Variants in SERGEF observed in about 807,000 individuals in gnomAD.
SERGEF encodes secretion regulating guanine nucleotide exchange factor.
SERGEF carries 51 observed loss-of-function variants against 50.0 expected under a neutral mutation model. The observed-to-expected ratio is 1.02, with a 90% CI of 0.81 to 1.29. The LOEUF (loss-of-function observed/expected upper bound fraction) is 1.29, where lower values mean the gene tolerates loss of function less well. Ranked by LOEUF, SERGEF falls within the 50% of genes most tolerant of loss-of-function variation. The probability of loss-of-function intolerance (pLI) is 0.00; values close to 1 mark genes in which losing one functional copy is unlikely to be tolerated. For synonymous variants in SERGEF, 205 were observed against 212.4 expected (o/e 0.97, Z 0.30); for missense variants, 521 against 557.0 (o/e 0.94, Z 0.65).
At chr11:17,995,176 C>A (rs1590240317) in intron 6 of SERGEF, among the ~76,000 whole-genome samples, 2 of 152,302 alleles carry the variant, frequency 1.3e-5, no homozygotes, top group Non-Finnish European at 2.9e-5. Context: ...AAATGACCAA[C>A]AGACCTTTGG....
At chr11:17,835,937 T>C (rs1850390292) in intron 10 of SERGEF, among the ~76,000 whole-genome samples, 1 of 152,212 alleles carries the variant, frequency 6.6e-6, no homozygotes, top group Non-Finnish European at 1.5e-5. Flanking sequence ...CTATTCATCA[T>C]CCTACAATCC....
At chr11:17,937,215 C>A (rs1433087027) in intron 9 of SERGEF, among the ~76,000 whole-genome samples, 4 of 151,832 alleles carry the variant, frequency 2.6e-5, no homozygotes, top group African/African-American at 9.7e-5. Flanking sequence ...TTAAAAAATA[C>A]GTGTAGAAAA....
intron 10 of SERGEF, 42 bp downstream of exon 10, chr11:17,878,164 CAT>C (rs1369642855): frequency 2.1e-5 from 30 of 1,419,260 alleles, no homozygotes; most frequent in Non-Finnish European, 3.0e-5. Context: ...AATTCTGCCA[CAT>C]GATTTTCAGA....
chr11:17,982,752 T>C (rs1466010799), intron 8 of SERGEF, among the ~76,000 whole-genome samples: 1 of 152,214 alleles, frequency 6.6e-6, no homozygotes, highest in Non-Finnish European at 1.5e-5. Context: ...ATAAAATATT[T>C]CTTGGGCTGT....
chr11:17,876,439 C>T (rs1851236548), intron 10 of SERGEF, among the ~76,000 whole-genome samples: 1 of 152,238 alleles, frequency 6.6e-6, no homozygotes, highest in African/African-American at 2.4e-5. Flanking sequence ...TTTCTCCCCT[C>T]CCGCTACCCA....
At chr11:17,993,116 T>C in intron 6 of SERGEF, 123 bp from the exon 7 acceptor site, 1 of 699,604 alleles carries the variant, frequency 1.4e-6, no homozygotes. Context: ...CAGGCCTGAG[T>C]CAGCAGCACT....
chr11:17,798,869 G>C (rs542574846), intron 10 of SERGEF, among the ~76,000 whole-genome samples: 5 of 152,206 alleles, frequency 3.3e-5, no homozygotes, highest in Non-Finnish European at 7.3e-5. Context: ...CTGTGGATGA[G>C]GAAACAGGCT....
At chr11:17,917,276 T>C (rs1414301774) in intron 9 of SERGEF, among the ~76,000 whole-genome samples, 1 of 152,214 alleles carries the variant, frequency 6.6e-6, no homozygotes, top group Admixed American at 6.5e-5. Context: ...GCAACCTGAA[T>C]GGGATTGGAG....
chr11:17,964,158 T>C (rs1472332906), intron 8 of SERGEF, among the ~76,000 whole-genome samples: 1 of 152,204 alleles, frequency 6.6e-6, no homozygotes, highest in Non-Finnish European at 1.5e-5. Context: ...CATAAAATGT[T>C]ATTTCATTAC....
chr11:17,839,826 A>T (rs1444756903), intron 10 of SERGEF, among the ~76,000 whole-genome samples: 1 of 152,218 alleles, frequency 6.6e-6, no homozygotes, highest in Non-Finnish European at 1.5e-5. Flanking sequence ...GCAAGGTATT[A>T]TAAACCTAAT....
intron 10 of SERGEF, among the ~76,000 whole-genome samples, chr11:17,865,008 T>C (rs1038369990): frequency 6.6e-6 from 1 of 152,240 alleles, no homozygotes; most frequent in African/African-American, 2.4e-5. Context: ...AAATTCCATA[T>C]GGATCGAAGA....
intron 8 of SERGEF, among the ~76,000 whole-genome samples, chr11:17,978,126 C>G (rs1008196944): frequency 2.0e-5 from 3 of 152,156 alleles, no homozygotes; most frequent in Non-Finnish European, 4.4e-5. Context: ...GAGCCTCAAT[C>G]CTCACCTAGA....
intron 5 of SERGEF, among the ~76,000 whole-genome samples, chr11:17,998,538 G>GTGTC (rs148285579): frequency 1.4e-5 from 2 of 138,602 alleles, no homozygotes; most frequent in East Asian, 4.2e-4. Context: ...ATGTGTGTGT[G>GTGTC]TGTGTGTGTA....
At chr11:18,011,319 T>C (rs566960783) in intron 1 of SERGEF, among the ~76,000 whole-genome samples, 1 of 152,318 alleles carries the variant, frequency 6.6e-6, no homozygotes, top group Admixed American at 6.5e-5. Flanking sequence ...GGTGGGGCCC[T>C]AATCCAATAT....
At chr11:18,012,601 C>A in intron 1 of SERGEF, 1 of 1,173,430 alleles carries the variant, frequency 8.5e-7, no homozygotes, top group Non-Finnish European at 1.1e-6. Flanking sequence ...TGGGACCGGG[C>A]GATCCTCTCC....
At chr11:17,975,361 C>T (rs562104095) in intron 8 of SERGEF, among the ~76,000 whole-genome samples, 1 of 152,324 alleles carries the variant, frequency 6.6e-6, no homozygotes, top group African/African-American at 2.4e-5. Context: ...TGACCCCTTC[C>T]TCACACACCT....
chr11:17,923,037 C>T (rs892803627), intron 9 of SERGEF, among the ~76,000 whole-genome samples: 5 of 152,218 alleles, frequency 3.3e-5, no homozygotes, highest in African/African-American at 9.6e-5. Flanking sequence ...TCACTTCTCT[C>T]CTTCCTCTGA....
intron 4 of SERGEF, chr11:18,000,826 A>G (rs1853945751): frequency 1.6e-6 from 1 of 612,286 alleles, no homozygotes; most frequent in Non-Finnish European, 3.0e-6. Flanking sequence ...TCCAAGAGTT[A>G]GTAAATGTTT....
At chr11:17,836,918 AT>A (rs1850411361) in intron 10 of SERGEF, among the ~76,000 whole-genome samples, 1 of 152,204 alleles carries the variant, frequency 6.6e-6, no homozygotes, top group Non-Finnish European at 1.5e-5. Flanking sequence ...ACAGAGCCCT[AT>A]CTTATTCACC....
Sources: allele counts gnomAD v4.1 joint callset (sites outside exome capture counted in the v4.1 genomes callset), GRCh38; gene constraint gnomAD v4.1.1; transcripts MANE v1.5; gene names NCBI Gene and HGNC (gene_info 2026-07-23, HGNC 2026-07-21).